The following CBR4 variants were observed in gnomAD, a reference collection of about 807,000 sequenced individuals.
CBR4 encodes 3-oxoacyl-[acyl-carrier-protein] reductase.
In CBR4, 22 loss-of-function variants were observed where a neutral mutation model predicts 21.0. The ratio of observed to expected loss-of-function variants is 1.05; its 90% CI spans 0.75 to 1.50. The LOEUF (loss-of-function observed/expected upper bound fraction) is 1.50. Ranked by LOEUF, CBR4 falls within the 40% of genes most tolerant of loss-of-function variation. CBR4 has a pLI of 0.00. For missense variants in CBR4, 302 were observed against 286.3 expected (o/e 1.05, Z -0.40); for synonymous variants, 100 against 104.4 (o/e 0.96, Z 0.26).
chr4:168,968,054 C>T (rs1479584701), intron 2 of CBR4, among the ~76,000 whole-genome samples: 1 of 150,144 alleles, frequency 6.7e-6, no homozygotes, highest in Admixed American at 6.7e-5. Flanking sequence ...CCTCTACTCT[C>T]CTCAAACACT....
intron 2 of CBR4, among the ~76,000 whole-genome samples, chr4:168,980,944 T>C (rs1764528646): frequency 6.6e-6 from 1 of 152,182 alleles, no homozygotes; most frequent in Non-Finnish European, 1.5e-5. Flanking sequence ...CCAACACTGA[T>C]TCTTAACCAG....
chr4:168,897,106 C>T lies in CBR4; in HGVS notation n.170-2341G>A, dbSNP rs536129558. Reference sequence around the variant, plus strand: ...TTGGCTTCCCAAAGCGCTGGGAATACGGCATGAGCCACAGTGCCTGGCCTC... The same window carrying T: ...TTGGCTTCCCAAAGCGCTGGGAATATGGCATGAGCCACAGTGCCTGGCCTC... On this transcript the variant is annotated intron_variant and non_coding_transcript_variant, in intron 2 of 3. Coordinates refer to the CBR4 transcript ENST00000509108. Among the ~76,000 whole-genome samples the T allele has an allele frequency of 7.9e-5, 12 of 152,308 alleles. No homozygotes were observed. In the East Asian group the frequency reaches 1.2e-3, roughly 15 times the overall value.
chr4:168,920,008 A>G (rs180837382), intron 2 of CBR4, among the ~76,000 whole-genome samples: 11 of 152,270 alleles, frequency 7.2e-5, no homozygotes, highest in Middle Eastern at 3.4e-3. Context: ...CCTACTAAAC[A>G]TACTGTGGCT....
intron 2 of CBR4, among the ~76,000 whole-genome samples, chr4:168,971,983 C>T (rs1764225842): frequency 6.6e-6 from 1 of 152,096 alleles, no homozygotes; most frequent in Non-Finnish European, 1.5e-5. Flanking sequence ...GAGATGAGAA[C>T]CCAGTTTCAT....
rs1457037554 is a variant in CBR4 at position 168,898,612 on chromosome 4, T to C, written n.170-3847A>G. On this transcript the variant is annotated intron_variant and non_coding_transcript_variant, in intron 2 of 3. Transcript: ENST00000509108. ...AGTATGGAGATGTGCCTGTGGAAAATGGAATGGCACCATTCTTTGAGATGA... is the reference window on the plus strand; with the variant it reads ...AGTATGGAGATGTGCCTGTGGAAAACGGAATGGCACCATTCTTTGAGATGA... 8 of 1,613,942 alleles carry C rather than the reference T, an allele frequency of 5.0e-6. No homozygotes were observed. Among genetic ancestry groups the C allele is most frequent in the Admixed American group, 1.7e-5 (1 of 60,002 alleles).
chr4:168,981,978 A>C (rs1466085773), intron 2 of CBR4, among the ~76,000 whole-genome samples: 1 of 152,254 alleles, frequency 6.6e-6, no homozygotes. Context: ...TACACACTCT[A>C]TTAACACTAT....
In CBR4 at chr4:168,966,498, G is replaced by A. The variant is rs150898062; in HGVS notation, n.169+35573C>T. On this transcript the variant is annotated intron_variant and non_coding_transcript_variant, in intron 2 of 3. Coordinates refer to the CBR4 transcript ENST00000509108. Reference sequence around the variant, plus strand: ...GCCGAGATCGCACCACTGCCTTTCAGCCTGGACGACAGAGCGAGACTCCGT... The same window carrying A: ...GCCGAGATCGCACCACTGCCTTTCAACCTGGACGACAGAGCGAGACTCCGT... Among the ~76,000 whole-genome samples the A allele has an allele frequency of 7.6e-3, 1,155 of 151,522 alleles. 7 individuals carry two copies. The highest frequency in any genetic ancestry group is 0.013 in the Non-Finnish European group (903 of 67,912).
At chr4:168,913,865 G>C in intron 2 of CBR4, 11 of 1,071,248 alleles carry the variant, frequency 1.0e-5, no homozygotes, top group Non-Finnish European at 1.6e-5. Flanking sequence ...CAGTAGGCAT[G>C]ATAGTGCTTA....
At chr4:168,982,154 T>C (rs1436141159) in intron 2 of CBR4, among the ~76,000 whole-genome samples, 2 of 152,188 alleles carry the variant, frequency 1.3e-5, no homozygotes, top group African/African-American at 2.4e-5. Context: ...GACCCAACTG[T>C]ATGCTGTCTT....
At position 168,960,015 on chromosome 4, in the gene CBR4, A is replaced by T. The variant is rs372582409; in HGVS notation, n.169+42056T>A. On this transcript the variant is annotated intron_variant and non_coding_transcript_variant, in intron 2 of 3. Transcript: ENST00000509108. ...GGTAAATTTGTCTATTTAGATCTTTAATTTCTCTCCATCAATATTACCTAA... is the reference window on the plus strand; with the variant it reads ...GGTAAATTTGTCTATTTAGATCTTTTATTTCTCTCCATCAATATTACCTAA... Among the ~76,000 whole-genome samples the T allele has an allele frequency of 3.3e-3, 510 of 152,288 alleles. 6 individuals carry two copies. The highest frequency in any genetic ancestry group is 0.012 in the African/African-American group (485 of 41,556).
chr4:168,979,867 C>A (rs372539811), intron 2 of CBR4, among the ~76,000 whole-genome samples: 10 of 152,162 alleles, frequency 6.6e-5, no homozygotes, highest in African/African-American at 2.2e-4. Context: ...TAACTACCCT[C>A]AGACTGGGGA....
intron 2 of CBR4, among the ~76,000 whole-genome samples, chr4:168,956,816 C>A (rs555607542): frequency 6.6e-6 from 1 of 152,130 alleles, no homozygotes; most frequent in South Asian, 2.1e-4. Context: ...GAACTTGAAA[C>A]CAGAACTATC....
At chr4:168,959,756 G>A (rs1037669796) in intron 2 of CBR4, among the ~76,000 whole-genome samples, 1 of 150,682 alleles carries the variant, frequency 6.6e-6, no homozygotes, top group Admixed American at 6.6e-5. Flanking sequence ...AGAGAGATGG[G>A]GTTTCACCTT....
At chr4:168,933,481 T>C (rs1479085221) in intron 2 of CBR4, among the ~76,000 whole-genome samples, 1 of 152,178 alleles carries the variant, frequency 6.6e-6, no homozygotes, top group African/African-American at 2.4e-5. Context: ...TAAATATATA[T>C]GCACCCAACA....
chr4:168,926,448 T>TGTCA, intron 2 of CBR4: 2 of 1,157,376 alleles, frequency 1.7e-6, no homozygotes, highest in Non-Finnish European at 1.2e-6. Context: ...CATATTCCTT[T>TGTCA]GTCACATTAT....
chr4:168,969,303 G>C (rs1220280645), intron 2 of CBR4, among the ~76,000 whole-genome samples: 2 of 152,130 alleles, frequency 1.3e-5, no homozygotes, highest in African/African-American at 2.4e-5. Flanking sequence ...CCAAGTCTGG[G>C]AACTGAGCAA....
chr4:168,952,769 G>A (rs1763577598), intron 2 of CBR4, among the ~76,000 whole-genome samples: 1 of 152,210 alleles, frequency 6.6e-6, no homozygotes, highest in Non-Finnish European at 1.5e-5. Context: ...GATATGAACT[G>A]TCTATGGGTC....
chr4:168,953,590 ATT>A (rs1220737031), intron 2 of CBR4, among the ~76,000 whole-genome samples: 100 of 141,798 alleles, frequency 7.1e-4, no homozygotes, highest in African/African-American at 2.5e-3. Flanking sequence ...TGCAAAGCTA[ATT>A]TTTTTTTTTT....
chr4:168,896,482 T>G (rs1755199849), intron 2 of CBR4: 2 of 967,050 alleles, frequency 2.1e-6, no homozygotes, highest in Non-Finnish European at 3.2e-6. Flanking sequence ...TAAGGAAAAT[T>G]AGAAATCTTG....
Sources: gnomAD v4.1 joint callset for allele counts (sites outside exome capture counted in the v4.1 genomes callset) on GRCh38, gnomAD v4.1.1 for gene constraint, MANE v1.5 for transcripts, NCBI Gene and HGNC (gene_info 2026-07-23, HGNC 2026-07-21) for gene names.